INTS14: variants seen among roughly 807,000 people sequenced by gnomAD.
INTS14 encodes the protein integrator complex subunit 14.
In INTS14, 27 loss-of-function variants were observed where a neutral mutation model predicts 56.9. That is an observed-to-expected ratio of 0.47 (90% confidence interval 0.35 to 0.65). The LOEUF (loss-of-function observed/expected upper bound fraction) is 0.65. Ranked by LOEUF, INTS14 falls within the 30% of genes least tolerant of loss-of-function variation. The pLI, the probability that INTS14 is intolerant of heterozygous loss-of-function variation, is 0.00. For synonymous variants in INTS14, 207 were observed against 236.2 expected, an observed-to-expected ratio of 0.88 and a Z score of 1.13; for missense variants, 517 against 632.2, an observed-to-expected ratio of 0.82 and a Z score of 1.95.
At chr15:65,606,729 G>A (rs187456568) in intron 2 of INTS14, among the ~76,000 whole-genome samples, 1 of 152,082 alleles carries the variant, frequency 6.6e-6, no homozygotes, top group Non-Finnish European at 1.5e-5. Flanking sequence ...TAATTTATTG[G>A]TATCAAAATC....
In INTS14 at chr15:65,598,472, T is replaced by G. The variant is rs1385529746; in HGVS notation, c.606-9A>C. On this transcript the variant is annotated splice_polypyrimidine_tract_variant and intron_variant, in intron 5 of 11. Coordinates refer to ENST00000313182, the MANE Select transcript of INTS14 (RefSeq NM_001394796.1). Reference sequence around the variant, plus strand: ...CCAAATCTATCAGTTTTCTAGAATATGATAATTAATAGTTATAGGAAGAGT... The same window carrying G: ...CCAAATCTATCAGTTTTCTAGAATAGGATAATTAATAGTTATAGGAAGAGT... 3.1e-6 allele frequency: 5 copies of G among 1,612,004 alleles called. No homozygotes were observed. The highest frequency in any genetic ancestry group is 3.4e-6 in the Non-Finnish European group (4 of 1,178,718).
rs906465902 is a variant in INTS14 at position 65,591,786 on chromosome 15, T to A, written c.987-55A>T. Reference sequence around the variant, plus strand: ...GAACATCAAGCCTGAGACTGTCAAGTTAAATAAGTCTAGCCTGTATTTTTC... The same window carrying A: ...GAACATCAAGCCTGAGACTGTCAAGATAAATAAGTCTAGCCTGTATTTTTC... On this transcript the variant is annotated intron_variant, in intron 8 of 11. Transcript: ENST00000313182. The A allele has an allele frequency of 1.3e-5, 21 of 1,591,192 alleles. No homozygotes were observed. The African/African-American group carries it at 2.3e-4, about 17-fold the overall frequency.
At chr15:65,594,603 C>T (rs2073148747) in intron 7 of INTS14, among the ~76,000 whole-genome samples, 1 of 148,374 alleles carries the variant, frequency 6.7e-6, no homozygotes, top group Non-Finnish European at 1.5e-5. Context: ...GGGGTTTTAC[C>T]ATGTTAGTCA....
chr15:65,581,925 T>C (rs1655929251), intron 11 of INTS14, 29 bp downstream of exon 11: 1 of 1,607,822 alleles, frequency 6.2e-7, no homozygotes, highest in African/African-American at 1.3e-5. Flanking sequence ...ACCATATATT[T>C]TGGGCACATC....
intron 5 of INTS14, 144 bp downstream of exon 5, chr15:65,598,728 T>C: frequency 1.3e-6 from 1 of 757,764 alleles, no homozygotes; most frequent in Non-Finnish European, 2.1e-6. Context: ...AAACCATTAC[T>C]ACCCATCACT....
In INTS14 at chr15:65,607,315, G is replaced by C; in HGVS notation, c.66C>G (p.Ser22=). ...SMTRPVSIEG[S]EEYQRKHLAA... ...CTAGGTGCTTACGCTGGTATTCCTC[G>C]GACCCCTCAATAGACACAGGTCGGG... The change falls in exon 2 of 12, where the codon TCC becomes TCG. Residue 22 remains serine (S), a synonymous_variant. Coordinates refer to ENST00000313182, the MANE Select transcript of INTS14 (RefSeq NM_001394796.1). 2 of 1,614,076 alleles carry C rather than the reference G, an allele frequency of 1.2e-6. No homozygotes were observed. Among genetic ancestry groups the C allele is most frequent in the Non-Finnish European group, 8.5e-7 (1 of 1,180,030 alleles).
intron 3 of INTS14, among the ~76,000 whole-genome samples, chr15:65,602,634 A>C (rs978229564): frequency 6.6e-5 from 10 of 151,934 alleles, no homozygotes; most frequent in Non-Finnish European, 1.5e-4. Flanking sequence ...GATTATAAAA[A>C]CAATAACCAG....
chr15:65,605,672 T>C (rs1045456764), intron 2 of INTS14, among the ~76,000 whole-genome samples: 2 of 152,338 alleles, frequency 1.3e-5, no homozygotes, highest in East Asian at 1.9e-4. Flanking sequence ...AATTAAGGTA[T>C]AGAAAGATTA....
chr15:65,579,433 G>C lies in INTS14; in HGVS notation c.1532C>G (p.Ser511Cys), dbSNP rs761040810. ...QNITPLHTDF[S>C]GSSTERI ...TCAAATTCTTTCAGTGCTGCTCCCA[G>C]AGAAGTCCGTGTGCAAAGGTGTGAT... The change falls in exon 12 of 12, where the codon TCT (serine) becomes TGT (cysteine). Residue 511 changes from serine to cysteine, a missense_variant. Physicochemically the swap from Ser to Cys is moderately radical, Grantham distance 112 (BLOSUM62 -1). Transcript: ENST00000313182. 6.2e-7 allele frequency: 1 copy of C among 1,613,172 alleles called. No individual in the cohort carries two copies. The highest frequency in any genetic ancestry group is 8.5e-7 in the Non-Finnish European group (1 of 1,179,146).
At chr15:65,600,072 C>A in intron 3 of INTS14, 143 bp from the exon 4 acceptor site, 3 of 878,022 alleles carry the variant, frequency 3.4e-6, no homozygotes, top group Non-Finnish European at 5.0e-6. Context: ...CTTTGGGAGG[C>A]CAAGGCAGGA....
At position 65,579,548 on chromosome 15, in the gene INTS14, G is replaced by T; in HGVS notation, c.1417C>A (p.Pro473Thr). The T allele has an allele frequency of 6.2e-7, 1 of 1,614,198 alleles. No individual in the cohort carries two copies. The highest frequency in any genetic ancestry group is 8.5e-7 in the Non-Finnish European group (1 of 1,180,038). The change falls in exon 12 of 12, where the codon CCT (proline) becomes ACT (threonine). Residue 473 changes from proline to threonine, a missense_variant. Coordinates refer to ENST00000313182, the MANE Select transcript of INTS14 (RefSeq NM_001394796.1). ...ECTLLPETAH[P>T]DAAFQLTHAA... ...TGGGTCAGCTGGAATGCAGCATCAG[G>T]GTGGGCTGTCTCAGGCAGCAGTGTG...
chr15:65,579,295 A>C lies in INTS14; in HGVS notation c.*113T>G. The C allele has an allele frequency of 2.1e-6, 3 of 1,418,674 alleles. No homozygotes were observed. The highest frequency in any genetic ancestry group is 2.9e-6 in the Non-Finnish European group (3 of 1,049,328). 87.9% of individuals were successfully genotyped at this position (1,418,674 alleles called of 1,614,324 possible). On this transcript the variant is annotated 3_prime_UTR_variant, in exon 12 of 12. Transcript: ENST00000313182. ...AAACAGCAAGTGGTGCTTCTGAGGC[A>C]GCCTCAGGAAGGTCTTTGGGTGGCT...
At chr15:65,606,307 T>C (rs1167936000) in intron 2 of INTS14, among the ~76,000 whole-genome samples, 2 of 151,956 alleles carry the variant, frequency 1.3e-5, no homozygotes, top group African/African-American at 2.4e-5. Flanking sequence ...TAACAAAATT[T>C]TGTTACTTAC....
intron 9 of INTS14, among the ~76,000 whole-genome samples, chr15:65,590,756 C>T (rs2072996062): frequency 6.6e-6 from 1 of 152,180 alleles, no homozygotes; most frequent in Non-Finnish European, 1.5e-5. Flanking sequence ...CTCTTTATCC[C>T]TTAGGCCTGG....
chr15:65,592,310 G>C (rs188712671), intron 8 of INTS14, among the ~76,000 whole-genome samples: 67 of 152,334 alleles, frequency 4.4e-4, no homozygotes, highest in Middle Eastern at 6.8e-3. Flanking sequence ...ATGGAGCCAT[G>C]CTTCCTTTAA....
chr15:65,591,764 C>A (rs1471475450), intron 8 of INTS14, 33 bp from the exon 9 acceptor site: 9 of 1,610,326 alleles, frequency 5.6e-6, no homozygotes, highest in Non-Finnish European at 7.6e-6. Flanking sequence ...ATCAGAAGAA[C>A]ATCAAGCCTG....
intron 9 of INTS14, among the ~76,000 whole-genome samples, chr15:65,590,851 G>T (rs1419583058): frequency 6.6e-6 from 1 of 152,180 alleles, no homozygotes; most frequent in African/African-American, 2.4e-5. Flanking sequence ...AACCTGAGTA[G>T]CTAGTGGCAC....
At chr15:65,606,410 T>C (rs1006957251) in intron 2 of INTS14, among the ~76,000 whole-genome samples, 9 of 151,802 alleles carry the variant, frequency 5.9e-5, no homozygotes, top group South Asian at 2.1e-4. Flanking sequence ...GCTTCTTCTT[T>C]TTTTTTTTCC....
At chr15:65,599,064 A>G in intron 4 of INTS14, 74 bp from the exon 5 acceptor site, 1 of 1,040,866 alleles carries the variant, frequency 9.6e-7, no homozygotes, top group Non-Finnish European at 1.4e-6. Context: ...ACCAAGGTCA[A>G]AGCCATTACG....
Sources: gnomAD v4.1 joint callset for allele counts (sites outside exome capture counted in the v4.1 genomes callset) on GRCh38, gnomAD v4.1.1 for gene constraint, MANE v1.5 for transcripts, NCBI Gene and HGNC (gene_info 2026-07-23, HGNC 2026-07-21) for gene names.